SSBP2: variants seen among roughly 807,000 people sequenced by gnomAD.
SSBP2 encodes the protein single stranded DNA binding protein 2.
Under a neutral mutation model 61.8 loss-of-function variants are expected in SSBP2, and 17 were observed. That is an observed-to-expected ratio of 0.28 (90% CI 0.19 to 0.41). The LOEUF is 0.41. Ranked by LOEUF, SSBP2 falls within the 10% of genes least tolerant of loss-of-function variation. The probability of loss-of-function intolerance (pLI) is 1.00; values close to 1 mark genes in which losing one functional copy is unlikely to be tolerated. For synonymous variants in SSBP2, 139 were observed against 141.3 expected (o/e 0.98, Z 0.12); for missense variants, 310 against 458.7 (o/e 0.68, Z 2.96).
chr5:81,679,380 T>C (rs1752222022), intron 1 of SSBP2, among the ~76,000 whole-genome samples: 1 of 152,238 alleles, frequency 6.6e-6, no homozygotes, highest in Non-Finnish European at 1.5e-5. Flanking sequence ...TATTTGATTA[T>C]GTATGCTTAT....
intron 8 of SSBP2, 41 bp from the exon 9 acceptor site, chr5:81,467,106 A>G: frequency 7.3e-7 from 1 of 1,374,166 alleles, no homozygotes; most frequent in Non-Finnish European, 1.0e-6. Flanking sequence ...AGGAGGGGGG[A>G]AAGAAAGGAG....
At chr5:81,668,240 T>A in intron 1 of SSBP2, among the ~76,000 whole-genome samples, 1 of 99,914 alleles carries the variant, frequency 1.0e-5, no homozygotes, top group African/African-American at 4.3e-5. Flanking sequence ...AGAGCTTATA[T>A]GGAAGTTTAA....
At chr5:81,728,717 A>G (rs1440780104) in intron 1 of SSBP2, among the ~76,000 whole-genome samples, 1 of 152,212 alleles carries the variant, frequency 6.6e-6, no homozygotes, top group Non-Finnish European at 1.5e-5. Flanking sequence ...TGGTTGCTTG[A>G]TTGATGTCTG....
intron 4 of SSBP2, among the ~76,000 whole-genome samples, chr5:81,600,743 T>A (rs1292198238): frequency 6.6e-6 from 1 of 152,032 alleles, no homozygotes; most frequent in Admixed American, 6.6e-5. Flanking sequence ...ACAAAAATTT[T>A]AAAATAAAAA....
At chr5:81,749,278 C>CA (rs554520294) in intron 1 of SSBP2, among the ~76,000 whole-genome samples, 1 of 151,566 alleles carries the variant, frequency 6.6e-6, no homozygotes, top group Non-Finnish European at 1.5e-5. Context: ...ATATCTCTTG[C>CA]AAAAAAACAA....
chr5:81,649,876 C>T (rs995828536), intron 2 of SSBP2, among the ~76,000 whole-genome samples: 3 of 151,890 alleles, frequency 2.0e-5, no homozygotes, highest in Non-Finnish European at 2.9e-5. Context: ...AATCAATCAG[C>T]GATCATCCAT....
At chr5:81,479,578 C>T (rs1201527787) in intron 6 of SSBP2, among the ~76,000 whole-genome samples, 1 of 151,948 alleles carries the variant, frequency 6.6e-6, no homozygotes, top group Non-Finnish European at 1.5e-5. Context: ...TAGGTGTGAG[C>T]CACTGTGCCC....
rs866652964 is a variant in SSBP2 at position 81,601,578 on chromosome 5, G to C, written c.282+13895C>G. Among the ~76,000 whole-genome samples, 3 of 152,218 alleles carry C rather than the reference G, an allele frequency of 2.0e-5. No homozygotes were observed. In the South Asian group the frequency reaches 6.2e-4, roughly 32 times the overall value. On this transcript the variant is annotated intron_variant, in intron 4 of 16. Coordinates refer to ENST00000320672, the MANE Select transcript of SSBP2 (RefSeq NM_012446.5). Reference sequence around the variant, plus strand: ...GGGAAAAGGTACATGAGATCTCTCTGTATTATTTCTTACAACTGCATGTGA... The same window carrying C: ...GGGAAAAGGTACATGAGATCTCTCTCTATTATTTCTTACAACTGCATGTGA...
intron 6 of SSBP2, among the ~76,000 whole-genome samples, chr5:81,482,503 G>A (rs912955608): frequency 5.3e-5 from 8 of 152,068 alleles, no homozygotes; most frequent in South Asian, 2.1e-4. Context: ...CAGGACTTGC[G>A]GCTTCACCTT....
At chr5:81,711,166 A>G (rs7707925) in intron 1 of SSBP2, among the ~76,000 whole-genome samples, 102,768 of 151,860 alleles carry the variant, frequency 0.68, 35,033 homozygotes, top group Middle Eastern at 0.75. Context: ...TAGTTTATTC[A>G]TATCTTGATG....
intron 4 of SSBP2, among the ~76,000 whole-genome samples, chr5:81,559,301 T>G (rs1456217306): frequency 2.0e-5 from 3 of 150,376 alleles, no homozygotes; most frequent in Non-Finnish European, 3.0e-5. Context: ...TCAGGAGAAT[T>G]GCTGGAACCC....
chr5:81,684,728 T>A (rs765538503), intron 1 of SSBP2, among the ~76,000 whole-genome samples: 16 of 152,168 alleles, frequency 1.1e-4, no homozygotes, highest in Non-Finnish European at 2.2e-4. Context: ...ACTAACTTGT[T>A]TTTTATTTCA....
At chr5:81,729,160 G>A (rs1327364068) in intron 1 of SSBP2, among the ~76,000 whole-genome samples, 1 of 151,910 alleles carries the variant, frequency 6.6e-6, no homozygotes, top group Non-Finnish European at 1.5e-5. Flanking sequence ...ATGTTAATGG[G>A]TTAAAAAATA....
intron 4 of SSBP2, among the ~76,000 whole-genome samples, chr5:81,542,257 A>G (rs184482738): frequency 6.6e-6 from 1 of 152,144 alleles, no homozygotes; most frequent in East Asian, 1.9e-4. Flanking sequence ...TAAAAAAGTC[A>G]AAAAAACAAA....
intron 6 of SSBP2, among the ~76,000 whole-genome samples, chr5:81,482,469 G>C (rs1319942835): frequency 6.6e-6 from 1 of 152,064 alleles, no homozygotes; most frequent in African/African-American, 2.4e-5. Flanking sequence ...AGATTTTCTG[G>C]GTTACTTTCT....
At chr5:81,446,689 A>C (rs1763421999) in intron 12 of SSBP2, among the ~76,000 whole-genome samples, 179 bp downstream of exon 12, 1 of 152,202 alleles carries the variant, frequency 6.6e-6, no homozygotes, top group African/African-American at 2.4e-5. Context: ...GAATTTTCTA[A>C]ATGCTTAACT....
intron 1 of SSBP2, among the ~76,000 whole-genome samples, chr5:81,693,830 A>G (rs1247323794): frequency 1.3e-5 from 2 of 152,206 alleles, no homozygotes; most frequent in East Asian, 3.8e-4. Context: ...ATTGCTAGGT[A>G]TACACCCAAA....
Position 81,415,307 on chromosome 5 carries a change from G to C in SSBP2, c.*5197C>G, listed in dbSNP as rs555034112. The C allele has an allele frequency of 1.3e-5, 2 of 152,170 alleles. No individual in the cohort carries two copies. The highest frequency in any genetic ancestry group is 2.9e-5 in the Non-Finnish European group (2 of 68,034). The allele number at this position is 152,170 out of a possible 1,614,324, so 9.4% of individuals were successfully genotyped here. On this transcript the variant is annotated 3_prime_UTR_variant, in exon 17 of 17. Coordinates refer to ENST00000320672, the MANE Select transcript of SSBP2 (RefSeq NM_012446.5). ...TGTCCCTCCGTATCCAAGGGAGACCGGTTCCAGGACCTCTGCAGATACCAA... is the reference window on the plus strand; with the variant it reads ...TGTCCCTCCGTATCCAAGGGAGACCCGTTCCAGGACCTCTGCAGATACCAA...
intron 4 of SSBP2, among the ~76,000 whole-genome samples, chr5:81,590,057 A>G (rs373508377): frequency 2.0e-5 from 3 of 152,154 alleles, no homozygotes; most frequent in Non-Finnish European, 2.9e-5. Flanking sequence ...ACCAGGACCT[A>G]TATTTTTCTA....
Sources: allele counts gnomAD v4.1 joint callset (sites outside exome capture counted in the v4.1 genomes callset), GRCh38; gene constraint gnomAD v4.1.1; transcripts MANE v1.5; gene names NCBI Gene and HGNC (gene_info 2026-07-23, HGNC 2026-07-21).